The following ADAP1 variants were observed in gnomAD, a reference collection of about 807,000 sequenced individuals.
ADAP1 encodes arf-GAP with dual PH domain-containing protein 1.
In ADAP1, 31 loss-of-function variants were observed where a neutral mutation model predicts 54.9. That is an observed-to-expected ratio of 0.56 (90% CI 0.42 to 0.76). The LOEUF (loss-of-function observed/expected upper bound fraction) is 0.76, where lower values mean the gene tolerates loss of function less well. ADAP1 is among the 30% of genes least tolerant of loss of function. The pLI is 0.00. For synonymous variants in ADAP1, 313 were observed against 202.6 expected, an observed-to-expected ratio of 1.55 and a Z score of -4.63; for missense variants, 535 against 512.4, an observed-to-expected ratio of 1.04 and a Z score of -0.42.
At position 900,085 on chromosome 7, in the gene ADAP1, A is replaced by C; in HGVS notation, c.795+17T>G. The C allele has an allele frequency of 5.6e-6, 9 of 1,612,774 alleles. No individual in the cohort carries two copies. The highest frequency in any genetic ancestry group is 7.6e-6 in the Non-Finnish European group (9 of 1,179,784). ...CGTACCCCAGGCCACCCCAGGCCGC[A>C]CGTGCGGCACACCCACCTTGGGCCC... On this transcript the variant is annotated intron_variant, in intron 8 of 10. Transcript: ENST00000265846.
rs546384909 is a variant in ADAP1 at position 920,330 on chromosome 7, G to A, written c.306-280C>T. Among the ~76,000 whole-genome samples the A allele has an allele frequency of 1.3e-5, 2 of 152,078 alleles. No individual in the cohort carries two copies. The highest frequency in any genetic ancestry group is 2.9e-5 in the Non-Finnish European group (2 of 67,998). The stretch of plus-strand genomic sequence containing the variant: ...AAGCGTTCCCGGTGGACGGGCTGGT[G>A]CCTCCCCTCTCCTTCCCACCTTGGC... On this transcript the variant is annotated intron_variant, in intron 3 of 10. Transcript: ENST00000265846. The surrounding 1 kb of genome is among the most constrained non-coding windows in gnomAD (Gnocchi z 4.5).
intron 4 of ADAP1, among the ~76,000 whole-genome samples, chr7:915,883 T>C (rs146890938): frequency 2.6e-4 from 37 of 142,022 alleles, no homozygotes; most frequent in Middle Eastern, 3.5e-3. Flanking sequence ...CACGAGACGC[T>C]GTCTGCCACC....
chr7:899,837 G>A (rs1844698369), intron 8 of ADAP1, among the ~76,000 whole-genome samples: 1 of 152,190 alleles, frequency 6.6e-6, no homozygotes, highest in Non-Finnish European at 1.5e-5. Flanking sequence ...GGAATGGCAA[G>A]ATGTGGGCCC....
At chr7:905,279 C>CACGGACGGGGGAG (rs1554271611) in intron 4 of ADAP1, 107 bp from the exon 5 acceptor site, 5 of 342,370 alleles carry the variant, frequency 1.5e-5, no homozygotes, top group Non-Finnish European at 2.4e-5. Flanking sequence ...ACACGGGGGA[C>CACGGACGGGGGAG]ACGGACGGGG....
chr7:931,773 GAAA>G (rs11367737), intron 2 of ADAP1, among the ~76,000 whole-genome samples: 4 of 140,532 alleles, frequency 2.8e-5, no homozygotes, highest in Non-Finnish European at 4.6e-5. Flanking sequence ...AAAGTAGGGA[GAAA>G]AAAAAAAAAA....
chr7:923,392 C>T (rs926441451), intron 3 of ADAP1: 1 of 151,920 alleles, frequency 6.6e-6, no homozygotes, highest in Non-Finnish European at 1.5e-5. Context: ...CACCCCTCAC[C>T]ACACAGGAAG....
chr7:905,254 GGACATGGGGAGAA>G (rs1562910991), intron 4 of ADAP1, 82 bp from the exon 5 acceptor site: 2 of 976,398 alleles, frequency 2.0e-6, no homozygotes, highest in Admixed American at 2.0e-5. Context: ...AGGACAGAGG[GGACATGGGGAGAA>G]GACACGGGGG....
chr7:955,368 G>C (rs147829246), upstream of ADAP1: 2 of 1,550,148 alleles, frequency 1.3e-6, no homozygotes, highest in Non-Finnish European at 1.7e-6. Flanking sequence ...CTTCTTGCAG[G>C]GTTAATGCAG....
chr7:906,746 TAGGGGACATGGAC>T (rs1192532456), intron 4 of ADAP1, among the ~76,000 whole-genome samples: 1 of 23,230 alleles, frequency 4.3e-5, no homozygotes, highest in Non-Finnish European at 8.4e-5. Context: ...ACAGAGTACA[TAGGGGACATGGAC>T]AGGGGACATG....
At chr7:906,697 GGACA>G (rs1845422669) in intron 4 of ADAP1, among the ~76,000 whole-genome samples, 1 of 42,092 alleles carries the variant, frequency 2.4e-5, no homozygotes, top group African/African-American at 1.1e-4. Context: ...CGGGGGACAT[GGACA>G]TGGGGGACGG....
At chr7:918,803 A>G (rs1251814871) in intron 4 of ADAP1, among the ~76,000 whole-genome samples, 1 of 152,208 alleles carries the variant, frequency 6.6e-6, no homozygotes, top group Non-Finnish European at 1.5e-5. Context: ...CAAGGCCCAC[A>G]GTACCCGAGC....
rs2128104899 is a variant in ADAP1 at position 920,191 on chromosome 7, A to T, written c.306-141T>A. ...CTCGAGCCGCCCCTCTGGGCACAAG[A>T]TCCCGGAAGAAATGCAGGGTCAGCC... On this transcript the variant is annotated intron_variant, in intron 3 of 10. Coordinates refer to ENST00000265846, the MANE Select transcript of ADAP1 (RefSeq NM_006869.4). The surrounding 1 kb of genome is among the most constrained non-coding windows in gnomAD (Gnocchi z 4.5). The T allele has an allele frequency of 4.6e-6, 3 of 653,798 alleles. No homozygotes were observed. In the East Asian group the frequency reaches 8.6e-5, roughly 19 times the overall value. 40.5% of individuals were successfully genotyped at this position (653,798 alleles called of 1,614,324 possible).
chr7:938,336 A>G lies in ADAP1; in HGVS notation c.83-2831T>C, dbSNP rs922914518. Among the ~76,000 whole-genome samples the G allele has an allele frequency of 2.6e-5, 4 of 151,908 alleles. No homozygotes were observed. The highest frequency in any genetic ancestry group is 9.7e-5 in the African/African-American group (4 of 41,342). On this transcript the variant is annotated intron_variant, in intron 1 of 10. Transcript: ENST00000265846. The surrounding 1 kb of genome is among the most constrained non-coding windows in gnomAD (Gnocchi z 4.4). Reference sequence around the variant, plus strand: ...GCTGGGACCGCAGGCATGCACCAGCATACCCAGCTAATTTTTAAAATTTTT... The same window carrying G: ...GCTGGGACCGCAGGCATGCACCAGCGTACCCAGCTAATTTTTAAAATTTTT...
intron 1 of ADAP1, among the ~76,000 whole-genome samples, chr7:951,026 G>A (rs1287365322): frequency 2.6e-5 from 4 of 152,070 alleles, no homozygotes; most frequent in African/African-American, 4.8e-5. Flanking sequence ...GTGAGTGAAC[G>A]TGCTCAAGGC....
chr7:907,946 C>G (rs1311991288), intron 4 of ADAP1, among the ~76,000 whole-genome samples: 1 of 152,034 alleles, frequency 6.6e-6, no homozygotes, highest in Non-Finnish European at 1.5e-5. Flanking sequence ...CTCCAGGGGT[C>G]GCGGGGCCGT....
At chr7:904,379 T>A in intron 5 of ADAP1, 107 bp from the exon 6 acceptor site, 1 of 1,423,436 alleles carries the variant, frequency 7.0e-7, no homozygotes, top group East Asian at 2.4e-5. Context: ...CTGTGCTGTG[T>A]GGCTTTGGGC....
At chr7:913,095 C>T (rs1340386181) in intron 4 of ADAP1, among the ~76,000 whole-genome samples, 4 of 152,206 alleles carry the variant, frequency 2.6e-5, no homozygotes, top group East Asian at 3.8e-4. Context: ...CCTCCCACCT[C>T]GGCCTCCCAG....
In ADAP1 at chr7:898,648, AGGG is replaced by A. The variant is rs931433865; in HGVS notation, c.*270_*272del. 2 of 519,392 alleles carry A rather than the reference AGGG, an allele frequency of 3.9e-6. No individual in the cohort carries two copies. The highest frequency in any genetic ancestry group is 3.9e-5 in the African/African-American group (2 of 51,462). The allele number at this position is 519,392 out of a possible 1,614,324, so 32.2% of individuals were successfully genotyped here. A position where few individuals can be genotyped will look rare whatever the true frequency, so the allele number is the denominator to read the frequency against. ...GGAGCCAGACTGGGCCCTGGAGGAA[AGGG>A]GGCCCCGGGTCAGGGAGGGGCAGGT... On this transcript the variant is annotated 3_prime_UTR_variant, in exon 11 of 11. Coordinates refer to ENST00000265846, the MANE Select transcript of ADAP1 (RefSeq NM_006869.4).
chr7:929,056 G>A (rs957616431), intron 2 of ADAP1, among the ~76,000 whole-genome samples: 2 of 152,226 alleles, frequency 1.3e-5, no homozygotes, highest in Non-Finnish European at 2.9e-5. Flanking sequence ...CACTTCAGGA[G>A]GCAGAGGTGG....
Sources: allele counts gnomAD v4.1 joint callset (sites outside exome capture counted in the v4.1 genomes callset), GRCh38; gene constraint gnomAD v4.1.1; non-coding constraint Gnocchi (gnomAD v3.1); transcripts MANE v1.5; gene names NCBI Gene and HGNC (gene_info 2026-07-23, HGNC 2026-07-21).